The following PAK5 variants were observed in gnomAD, a reference collection of about 807,000 sequenced individuals.
PAK5 encodes the protein serine/threonine-protein kinase PAK 5.
Under a neutral mutation model 65.9 loss-of-function variants are expected in PAK5, and 16 were observed. The observed-to-expected ratio is 0.24, with a 90% CI of 0.16 to 0.37. The LOEUF (loss-of-function observed/expected upper bound fraction) is 0.37, where lower values mean the gene tolerates loss of function less well. Among genes scored for constraint, PAK5 ranks in the 10% least tolerant of loss-of-function variants. The pLI is 1.00. For synonymous variants in PAK5, 371 were observed against 354.9 expected (o/e 1.05, Z -0.51); for missense variants, 785 against 903.9 (o/e 0.87, Z 1.69).
At chr20:9,563,861 G>A (rs1006202187) in intron 5 of PAK5, among the ~76,000 whole-genome samples, 2 of 152,192 alleles carry the variant, frequency 1.3e-5, no homozygotes, top group African/African-American at 2.4e-5. Flanking sequence ...ATAAGCACCC[G>A]TGGGAGCTGG....
At chr20:9,555,628 G>A (rs971241201) in intron 7 of PAK5, among the ~76,000 whole-genome samples, 1 of 152,130 alleles carries the variant, frequency 6.6e-6, no homozygotes, top group African/African-American at 2.4e-5. Context: ...CACTCATATG[G>A]AAGATTAAGA....
At position 9,747,056 on chromosome 20, in the gene PAK5, C is replaced by T. The variant is rs1452713249; in HGVS notation, c.-161-35621G>A. On this transcript the variant is annotated intron_variant, in intron 1 of 9. Coordinates refer to ENST00000353224, the MANE Select transcript of PAK5 (RefSeq NM_177990.4). Reference sequence around the variant, plus strand: ...TTACCATCAGAGAATACTACAAACACCTCTACGCAAAAAAACTAGAAAATC... The same window carrying T: ...TTACCATCAGAGAATACTACAAACATCTCTACGCAAAAAAACTAGAAAATC... 3.9e-5 allele frequency among the ~76,000 whole-genome samples: 6 copies of T among 152,284 alleles called. No individual in the cohort carries two copies. In the East Asian group the frequency reaches 1.2e-3, roughly 29 times the overall value.
chr20:9,723,116 T>A (rs2048237323), intron 1 of PAK5, among the ~76,000 whole-genome samples: 1 of 152,138 alleles, frequency 6.6e-6, no homozygotes, highest in Admixed American at 6.5e-5. Context: ...GGGTGCATGA[T>A]CTAACTTACA....
chr20:9,540,158 G>C (rs2045237895), intron 9 of PAK5, among the ~76,000 whole-genome samples: 1 of 152,070 alleles, frequency 6.6e-6, no homozygotes, highest in Non-Finnish European at 1.5e-5. Flanking sequence ...TGTTGCCCAG[G>C]CTCAAACTCC....
intron 3 of PAK5, among the ~76,000 whole-genome samples, chr20:9,593,624 C>T (rs2046212878): frequency 6.6e-6 from 1 of 152,172 alleles, no homozygotes; most frequent in South Asian, 2.1e-4. Context: ...TCCCTGTCTC[C>T]ATTTGTTCTC....
intron 1 of PAK5, among the ~76,000 whole-genome samples, chr20:9,739,008 G>A (rs2048421975): frequency 6.6e-6 from 1 of 152,082 alleles, no homozygotes; most frequent in Admixed American, 6.6e-5. Flanking sequence ...AGTTCTTCTA[G>A]ACACAACTGC....
In PAK5 at chr20:9,693,760, C is replaced by T. The variant is rs532962526; in HGVS notation, c.-12+17526G>A. On this transcript the variant is annotated intron_variant, in intron 2 of 9. Coordinates refer to ENST00000353224, the MANE Select transcript of PAK5 (RefSeq NM_177990.4). ...TTATAAAGATACGCATTACGACCAG[C>T]TGCCTACAAGTAAGGAATATAACCA... is the stretch of plus-strand genomic sequence containing the variant. Among the ~76,000 whole-genome samples, 3 of 152,238 alleles carry T rather than the reference C, an allele frequency of 2.0e-5. No individual in the cohort carries two copies. The East Asian group carries it at 5.8e-4, about 29-fold the overall frequency.
intron 2 of PAK5, among the ~76,000 whole-genome samples, chr20:9,670,385 C>G (rs1472181277): frequency 6.6e-6 from 1 of 152,180 alleles, no homozygotes; most frequent in Non-Finnish European, 1.5e-5. Context: ...TACAGTCCCA[C>G]CAACAGTGTA....
chr20:9,784,669 A>AC (rs35309899), intron 1 of PAK5, among the ~76,000 whole-genome samples: 123,392 of 152,000 alleles, frequency 0.81, 50,528 homozygotes, highest in African/African-American at 0.93. Context: ...CAAGCCTCAA[A>AC]TTTTGCAGGA....
At chr20:9,539,645 A>T in intron 9 of PAK5, 28 bp from the exon 10 acceptor site, 4 of 1,604,928 alleles carry the variant, frequency 2.5e-6, no homozygotes, top group Non-Finnish European at 3.4e-6. Flanking sequence ...TACCAATCTG[A>T]GGACTAACAC....
At position 9,627,698 on chromosome 20, in the gene PAK5, C is replaced by T. The variant is rs534348718; in HGVS notation, c.204+16427G>A. ...CTGGAGTGCAGTGGCACGATCTCTG[C>T]TTACTGCAACCTCCGCCTCCTGGGT... On this transcript the variant is annotated intron_variant, in intron 3 of 9. Coordinates refer to ENST00000353224, the MANE Select transcript of PAK5 (RefSeq NM_177990.4). 3.9e-5 allele frequency among the ~76,000 whole-genome samples: 6 copies of T among 152,186 alleles called. No homozygotes were observed. In the South Asian group the frequency reaches 1.2e-3, roughly 32 times the overall value.
chr20:9,658,274 A>T (rs1176835243), intron 2 of PAK5, among the ~76,000 whole-genome samples: 1 of 152,138 alleles, frequency 6.6e-6, no homozygotes, highest in African/African-American at 2.4e-5. Context: ...GGTCCAGTTG[A>T]GTGGTTCTTA....
chr20:9,609,578 C>T (rs906791416), intron 3 of PAK5, among the ~76,000 whole-genome samples: 4 of 152,168 alleles, frequency 2.6e-5, no homozygotes, highest in Non-Finnish European at 4.4e-5. Context: ...AGGCACAGTC[C>T]TGGAGTTCTG....
In PAK5 at chr20:9,539,590, C is replaced by T. The variant is rs1345841620; in HGVS notation, c.2032G>A (p.Asp678Asn). The T allele has an allele frequency of 6.2e-7, 1 of 1,613,574 alleles. No individual in the cohort carries two copies. The highest frequency in any genetic ancestry group is 1.1e-5 in the South Asian group (1 of 91,050). Reference protein sequence around the residue: ...KVSSVLRGFLDLMLVREPSQR... With the variant: ...KVSSVLRGFLNLMLVREPSQR... ...GAGGGCTCCCTCACCAACATCAAGTCTAGGAATCCCCGGAGCACTGAAGAA... is the reference window on the plus strand; with the variant it reads ...GAGGGCTCCCTCACCAACATCAAGTTTAGGAATCCCCGGAGCACTGAAGAA... The change falls in exon 10 of 10, where the codon GAC (aspartate) becomes AAC (asparagine). Residue 678 changes from aspartate to asparagine, a missense_variant. Asp to Asn is a conservative substitution (Grantham distance 23). Transcript: ENST00000353224.
chr20:9,693,365 C>G (rs1366572923), intron 2 of PAK5, among the ~76,000 whole-genome samples: 1 of 151,966 alleles, frequency 6.6e-6, no homozygotes, highest in Non-Finnish European at 1.5e-5. Context: ...AAGTTTAATT[C>G]ATTGTAGTAG....
At chr20:9,670,109 T>C (rs534214398) in intron 2 of PAK5, among the ~76,000 whole-genome samples, 1 of 152,342 alleles carries the variant, frequency 6.6e-6, no homozygotes, top group South Asian at 2.1e-4. Flanking sequence ...ACTCATCCTT[T>C]TTTATGGCTG....
At position 9,562,990 on chromosome 20, in the gene PAK5, A is replaced by T; in HGVS notation, c.1517T>A (p.Val506Glu). The T allele has an allele frequency of 6.2e-7, 1 of 1,612,966 alleles. No individual in the cohort carries two copies. The highest frequency in any genetic ancestry group is 8.5e-7 in the Non-Finnish European group (1 of 1,179,024). ...AAGGTAGCTGCTGTACATGTCAACC[A>T]CATTGTCATGGTGGTAATCCCGCAT... ...VIMRDYHHDN[V>E]VDMYSSYLVG... The change falls in exon 6 of 10, where the codon GTG (valine) becomes GAG (glutamate). Residue 506 changes from valine to glutamate, a missense_variant. This residue lies in a region of PAK5 where 182 missense variants were observed against 273.0 expected (regional missense o/e 0.67). Transcript: ENST00000353224.
At chr20:9,779,435 T>A (rs1359410446) in intron 1 of PAK5, among the ~76,000 whole-genome samples, 1 of 151,054 alleles carries the variant, frequency 6.6e-6, no homozygotes, top group African/African-American at 2.4e-5. Context: ...TGGGCTAGAC[T>A]TTTTCAGTAT....
At chr20:9,674,234 C>T (rs550615101) in intron 2 of PAK5, among the ~76,000 whole-genome samples, 1 of 152,176 alleles carries the variant, frequency 6.6e-6, no homozygotes, top group South Asian at 2.1e-4. Flanking sequence ...TCCTTGAGAT[C>T]CACAGTTCTA....
Sources: gnomAD v4.1 joint callset for allele counts (sites outside exome capture counted in the v4.1 genomes callset) on GRCh38, gnomAD v4.1.1 for gene constraint, gnomAD v4.1.1 regional missense constraint, MANE v1.5 for transcripts, NCBI Gene and HGNC (gene_info 2026-07-23, HGNC 2026-07-21) for gene names.